The following RDM1 variants were observed in gnomAD, a reference collection of about 807,000 sequenced individuals.
RDM1 encodes RAD52 motif containing 1, also known as RAD52 motif-containing protein 1.
A neutral mutation model predicts 27.7 loss-of-function variants in RDM1; 28 were observed. That is an observed-to-expected ratio of 1.01 (90% CI 0.75 to 1.39). The LOEUF is 1.39. Among genes scored for constraint, RDM1 ranks in the 40% most tolerant of loss-of-function variants. The pLI is 0.00. For missense variants in RDM1, 277 were observed against 337.3 expected (o/e 0.82, Z 1.40); for synonymous variants, 124 against 127.5 (o/e 0.97, Z 0.19).
chr17:35,930,162 C>T lies in RDM1; in HGVS notation c.190G>A (p.Val64Ile), dbSNP rs751151353. The T allele has an allele frequency of 3.7e-6, 6 of 1,614,120 alleles. No homozygotes were observed. In the South Asian group the frequency reaches 5.5e-5, roughly 15 times the overall value. Residue 64 changes from valine (V) to isoleucine (I), a missense_variant, in exon 2 of 7, where the codon GTC becomes ATC. By Grantham distance (29) the Val-to-Ile change is conservative. Coordinates refer to ENST00000620284, the MANE Select transcript of RDM1 (RefSeq NM_145654.4). ...AAVAHPGFYA[V>I]IKFYSARAAH... Reference sequence around the variant, plus strand: ...GCCCTTGCAGAATAAAACTTAATGACGGCATAGAAACCAGGATGGGCCACT... The same window carrying T: ...GCCCTTGCAGAATAAAACTTAATGATGGCATAGAAACCAGGATGGGCCACT...
intron 3 of RDM1, 90 bp from the exon 4 acceptor site, chr17:35,924,862 G>A (rs1437398729): frequency 4.8e-5 from 66 of 1,361,812 alleles, no homozygotes; most frequent in African/African-American, 1.0e-4. Context: ...TTGGCTGGGC[G>A]TGGTGGTTCA....
chr17:35,928,129 T>C (rs2089210176), intron 2 of RDM1, among the ~76,000 whole-genome samples: 1 of 152,002 alleles, frequency 6.6e-6, no homozygotes, highest in South Asian at 2.1e-4. Context: ...TAGAGAAGAA[T>C]AGGCAGCAAG....
intron 4 of RDM1, 92 bp downstream of exon 4, chr17:35,924,512 A>G (rs2089063083): frequency 2.2e-6 from 3 of 1,357,602 alleles, no homozygotes; most frequent in Non-Finnish European, 3.0e-6. Context: ...CTTGATATGT[A>G]TCTGAAAAGA....
Position 35,930,648 on chromosome 17 carries a change from G to C in RDM1, c.80C>G (p.Thr27Arg). The change falls in exon 1 of 7, where the codon ACG (threonine) becomes AGG (arginine). Residue 27 changes from threonine to arginine, a missense_variant. Thr to Arg is a moderately conservative substitution (Grantham distance 71, BLOSUM62 -1). Coordinates refer to ENST00000620284, the MANE Select transcript of RDM1 (RefSeq NM_145654.4). ...LLVWELSSGP[T>R]AEALHHSLFT... ...CCGGCTCACATGCAAAGCCTCGGCC[G>C]TGGGTCCGGAGCTCAGCTCCCACAC... is the stretch of plus-strand genomic sequence containing the variant. 6.2e-7 allele frequency: 1 copy of C among 1,613,410 alleles called. No individual in the cohort carries two copies. The highest frequency in any genetic ancestry group is 8.5e-7 in the Non-Finnish European group (1 of 1,179,916).
In RDM1 at chr17:35,918,480, C is replaced by T. The variant is rs763955086; in HGVS notation, c.754-37G>A. ...GCGCTAGTTAGGGTGGCAGGCAGAA[C>T]GCACATTACGGTCATTCATTCCAAA... On this transcript the variant is annotated intron_variant, in intron 6 of 6. Coordinates refer to ENST00000620284, the MANE Select transcript of RDM1 (RefSeq NM_145654.4). The T allele has an allele frequency of 5.9e-6, 9 of 1,522,722 alleles. No homozygotes were observed. In the East Asian group the frequency reaches 1.6e-4, roughly 27 times the overall value. The allele number at this position is 1,522,722 out of a possible 1,614,324, so 94.3% of individuals were successfully genotyped here.
At chr17:35,930,475 G>T (rs2089289432) in intron 1 of RDM1, 157 bp downstream of exon 1, 1 of 881,668 alleles carries the variant, frequency 1.1e-6, no homozygotes. Context: ...CTAAAAATCT[G>T]TTGGGGGTCG....
At chr17:35,921,918 C>CTTTTTTT (rs755056334) in intron 5 of RDM1, among the ~76,000 whole-genome samples, 4 of 116,020 alleles carry the variant, frequency 3.4e-5, no homozygotes, top group Admixed American at 9.6e-5. Context: ...ATTAAAAAAT[C>CTTTTTTT]TTTTTTTTTT....
intron 6 of RDM1, among the ~76,000 whole-genome samples, chr17:35,919,752 C>T (rs555424727): frequency 4.6e-5 from 7 of 152,248 alleles, no homozygotes; most frequent in Admixed American, 2.6e-4. Context: ...CCAAGATATA[C>T]GTGAGATATT....
rs2089116220 is a variant in RDM1, at chr17:35,925,572, G to A, written c.342C>T (p.Cys114=). Residue 114 remains cysteine (C), a synonymous_variant, in exon 3 of 7, where the codon TGC becomes TGT. Coordinates refer to ENST00000620284, the MANE Select transcript of RDM1 (RefSeq NM_145654.4). The stretch of plus-strand genomic sequence containing the variant: ...CAAAGTAGTAATTCGCCAGTTCTTG[G>A]CATTTGGAACTGTTCAGGGCAAGGG... ...HQALALNSSK[C]QELANYYFGF... 1 of 1,614,132 alleles carries A rather than the reference G, an allele frequency of 6.2e-7. No individual in the cohort carries two copies. The highest frequency in any genetic ancestry group is 8.5e-7 in the Non-Finnish European group (1 of 1,180,006).
chr17:35,919,891 C>A (rs932859668), intron 6 of RDM1, among the ~76,000 whole-genome samples: 8 of 152,176 alleles, frequency 5.3e-5, no homozygotes, highest in Admixed American at 2.0e-4. Flanking sequence ...TCTAAAAAGG[C>A]CTGTGTTCAA....
In RDM1 at chr17:35,918,398, A is replaced by G. The variant is rs1246615243; in HGVS notation, c.799T>C (p.Tyr267His). Residue 267 changes from tyrosine (Y) to histidine (H), a missense_variant, in exon 7 of 7, where the codon TAT becomes CAT. Tyr to His is a moderately conservative substitution (Grantham distance 83, BLOSUM62 2). Transcript: ENST00000620284. ...TCCTCCAAGCTGAAATCCGAGAGAT[A>G]CCCTTCCTCCTCTTGGCCATACTGC... Reference protein sequence around the residue: ...WKQYGQEEEGYLSDFSLEEEE... With the variant: ...WKQYGQEEEGHLSDFSLEEEE... 1.9e-6 allele frequency: 3 copies of G among 1,614,034 alleles called. No individual in the cohort carries two copies. Among genetic ancestry groups the G allele is most frequent in the Middle Eastern group, 1.7e-4 (1 of 6,052 alleles).
In RDM1 at chr17:35,925,595, G is replaced by A. The variant is rs777475518; in HGVS notation, c.319C>T (p.Leu107Phe). 6.2e-6 allele frequency: 10 copies of A among 1,614,074 alleles called. No individual in the cohort carries two copies. The highest frequency in any genetic ancestry group is 8.5e-6 in the Non-Finnish European group (10 of 1,179,940). ...TGGCATTTGGAACTGTTCAGGGCAAGGGCTTGATGTTGAACTGCCTTATGT... is the reference window on the plus strand; with the variant it reads ...TGGCATTTGGAACTGTTCAGGGCAAAGGCTTGATGTTGAACTGCCTTATGT... ...TRHKAVQHQA[L>F]ALNSSKCQEL... The change falls in exon 3 of 7, where the codon CTT becomes TTT. Residue 107 changes from leucine to phenylalanine, a missense_variant. Leu to Phe is a conservative substitution (Grantham distance 22). Coordinates refer to ENST00000620284, the MANE Select transcript of RDM1 (RefSeq NM_145654.4).
chr17:35,921,346 C>T (rs2088937594), intron 5 of RDM1, among the ~76,000 whole-genome samples: 1 of 152,230 alleles, frequency 6.6e-6, no homozygotes, highest in Non-Finnish European at 1.5e-5. Context: ...TCAGGGCCAC[C>T]TCCTACAAGC....
rs2088815543 is a variant in RDM1, at chr17:35,918,318, C to T, written c.*24G>A. On this transcript the variant is annotated 3_prime_UTR_variant, in exon 7 of 7. Transcript: ENST00000620284. ...GAGCTTCCCAAGGAAGTTACATGAC[C>T]TCGCCTTGGGATATTCAGAAATGCT... is the stretch of plus-strand genomic sequence containing the variant. 6.3e-7 allele frequency: 1 copy of T among 1,598,588 alleles called. No individual in the cohort carries two copies. Among genetic ancestry groups the T allele is most frequent in the African/African-American group, 1.3e-5 (1 of 74,726 alleles).
At chr17:35,930,489 G>GTTGTCAGT (rs1568410727) in intron 1 of RDM1, 143 bp downstream of exon 1, 3 of 915,286 alleles carry the variant, frequency 3.3e-6, no homozygotes, top group Non-Finnish European at 4.8e-6. Flanking sequence ...GGGGTCGTCA[G>GTTGTCAGT]TTGTCAGTTG....
intron 4 of RDM1, 21 bp downstream of exon 4, chr17:35,924,583 C>A (rs756577786): frequency 2.5e-6 from 4 of 1,601,270 alleles, no homozygotes; most frequent in Non-Finnish European, 3.4e-6. Context: ...CTACCCTCCT[C>A]CACTCCCAGT....
intron 6 of RDM1, among the ~76,000 whole-genome samples, chr17:35,919,916 C>T (rs961957746): frequency 6.6e-6 from 1 of 152,178 alleles, no homozygotes; most frequent in Non-Finnish European, 1.5e-5. Context: ...CCTGGAATCC[C>T]TAACTCCTGG....
intron 2 of RDM1, among the ~76,000 whole-genome samples, chr17:35,929,586 C>T (rs949960378): frequency 1.3e-5 from 2 of 152,090 alleles, no homozygotes; most frequent in Non-Finnish European, 2.9e-5. Context: ...GGACTACAGG[C>T]GCATGCCACC....
chr17:35,926,559 AC>A (rs1303389520), intron 2 of RDM1, among the ~76,000 whole-genome samples: 2 of 151,964 alleles, frequency 1.3e-5, no homozygotes, highest in East Asian at 3.9e-4. Flanking sequence ...ACCTGCCACC[AC>A]GCCCGGCTAA....
Sources: gnomAD v4.1 joint callset for allele counts (sites outside exome capture counted in the v4.1 genomes callset) on GRCh38, gnomAD v4.1.1 for gene constraint, MANE v1.5 for transcripts, NCBI Gene and HGNC (gene_info 2026-07-23, HGNC 2026-07-21) for gene names.